Variants in NRG3 observed in about 807,000 individuals in gnomAD.
NRG3 encodes pro-neuregulin-3, membrane-bound isoform.
In NRG3, 31 loss-of-function variants were observed where a neutral mutation model predicts 66.9. The ratio of observed to expected loss-of-function variants is 0.46; its 90% CI spans 0.35 to 0.63. The LOEUF is 0.63. Ranked by LOEUF, NRG3 falls within the 20% of genes least tolerant of loss-of-function variation. The probability of loss-of-function intolerance (pLI) is 0.00; values close to 1 mark genes in which losing one functional copy is unlikely to be tolerated. For synonymous variants in NRG3, 393 were observed against 359.4 expected (o/e 1.09, Z -1.06); for missense variants, 910 against 878.9 (o/e 1.04, Z -0.45).
At chr10:82,159,424 G>A (rs1051015415) in intron 1 of NRG3, among the ~76,000 whole-genome samples, 2 of 151,678 alleles carry the variant, frequency 1.3e-5, no homozygotes, top group African/African-American at 2.4e-5. Flanking sequence ...TGTCTGTCAT[G>A]TTCCTTTTCT....
intron 1 of NRG3, among the ~76,000 whole-genome samples, chr10:82,226,900 G>A (rs911115779): frequency 6.6e-6 from 1 of 152,142 alleles, no homozygotes; most frequent in African/African-American, 2.4e-5. Context: ...TTATTATTGG[G>A]AGAACTTTGA....
At chr10:82,704,079 GA>G (rs928846445) in intron 2 of NRG3, among the ~76,000 whole-genome samples, 12 of 150,560 alleles carry the variant, frequency 8.0e-5, no homozygotes, top group Admixed American at 3.3e-4. Flanking sequence ...ATGTGGTATA[GA>G]AAAAAAAAGA....
intron 1 of NRG3, among the ~76,000 whole-genome samples, chr10:82,031,790 A>G (rs931894011): frequency 1.3e-5 from 2 of 152,064 alleles, no homozygotes. Flanking sequence ...CTTGGCCCCC[A>G]TAAGTCCATT....
At chr10:82,252,289 T>C (rs2077520712) in intron 1 of NRG3, among the ~76,000 whole-genome samples, 1 of 152,212 alleles carries the variant, frequency 6.6e-6, no homozygotes, top group Non-Finnish European at 1.5e-5. Flanking sequence ...GTGATAAAAA[T>C]AGCCAGTGCT....
At chr10:82,932,833 A>G (rs1847703262) in intron 4 of NRG3, among the ~76,000 whole-genome samples, 1 of 152,174 alleles carries the variant, frequency 6.6e-6, no homozygotes, top group African/African-American at 2.4e-5. Context: ...AGGGTGATCC[A>G]GGATGAAGAC....
At chr10:82,923,534 A>G (rs1483497445) in intron 4 of NRG3, among the ~76,000 whole-genome samples, 1 of 152,236 alleles carries the variant, frequency 6.6e-6, no homozygotes, top group Admixed American at 6.5e-5. Context: ...CTGACTTGAT[A>G]CCTGACAACA....
intron 1 of NRG3, among the ~76,000 whole-genome samples, chr10:82,236,573 T>C (rs778788385): frequency 2.0e-5 from 3 of 152,188 alleles, no homozygotes; most frequent in Non-Finnish European, 4.4e-5. Context: ...CTCGGAAATA[T>C]ATCTTTACTC....
At chr10:82,528,623 T>C (rs142591223) in intron 2 of NRG3, among the ~76,000 whole-genome samples, 45 of 152,228 alleles carry the variant, frequency 3.0e-4, no homozygotes, top group African/African-American at 1.0e-3. Context: ...GGAGACAGAG[T>C]TTGCTATTAA....
At chr10:82,881,698 A>G (rs1279478532) in intron 4 of NRG3, among the ~76,000 whole-genome samples, 1 of 152,166 alleles carries the variant, frequency 6.6e-6, no homozygotes, top group African/African-American at 2.4e-5. Flanking sequence ...CTGCCTAGCT[A>G]TATATCTATG....
At chr10:81,961,925 G>A (rs775843656) in intron 1 of NRG3, among the ~76,000 whole-genome samples, 45 of 152,318 alleles carry the variant, frequency 3.0e-4, no homozygotes, top group Non-Finnish European at 5.9e-4. Flanking sequence ...TGGATAGAAA[G>A]GCAGCATGCT....
At chr10:82,109,535 T>TTGTGTGTGTG (rs747213240) in intron 1 of NRG3, among the ~76,000 whole-genome samples, 30 of 138,858 alleles carry the variant, frequency 2.2e-4, no homozygotes, top group East Asian at 1.1e-3. Flanking sequence ...AAGAATAAGA[T>TTGTGTGTGTG]TGTGTGTGTG....
At chr10:82,582,625 A>G (rs2046420324) in intron 2 of NRG3, among the ~76,000 whole-genome samples, 1 of 151,908 alleles carries the variant, frequency 6.6e-6, no homozygotes, top group South Asian at 2.1e-4. Context: ...ACAAGGACCA[A>G]AAAAGAATGC....
chr10:81,956,927 T>TC (rs1480241132), intron 1 of NRG3, among the ~76,000 whole-genome samples: 6 of 152,126 alleles, frequency 3.9e-5, no homozygotes, highest in African/African-American at 1.2e-4. Flanking sequence ...CTCTTACTCT[T>TC]CCCTAAAACA....
intron 1 of NRG3, among the ~76,000 whole-genome samples, chr10:82,321,991 G>A (rs2081603353): frequency 6.6e-6 from 1 of 152,124 alleles, no homozygotes; most frequent in African/African-American, 2.4e-5. Context: ...ATGACATGTT[G>A]CCATAGTGGT....
At chr10:82,360,144 A>G (rs533045583) in intron 2 of NRG3, among the ~76,000 whole-genome samples, 15 of 152,158 alleles carry the variant, frequency 9.9e-5, no homozygotes, top group Non-Finnish European at 1.9e-4. Context: ...TTTGCACCCT[A>G]TTCCTATGCT....
intron 2 of NRG3, among the ~76,000 whole-genome samples, chr10:82,520,576 C>T (rs965619570): frequency 6.6e-6 from 1 of 152,146 alleles, no homozygotes; most frequent in African/African-American, 2.4e-5. Context: ...TGGTTCTGAG[C>T]TCAGCCTCAG....
intron 1 of NRG3, among the ~76,000 whole-genome samples, chr10:82,283,270 A>G (rs1428205748): frequency 6.6e-6 from 1 of 152,170 alleles, no homozygotes; most frequent in African/African-American, 2.4e-5. Context: ...AATTTGTTTC[A>G]CAATGCCATG....
At chr10:82,363,096 C>T (rs903703913) in intron 2 of NRG3, among the ~76,000 whole-genome samples, 6 of 151,654 alleles carry the variant, frequency 4.0e-5, no homozygotes, top group Non-Finnish European at 8.8e-5. Flanking sequence ...GTGAGGAAAC[C>T]GAATAACAAA....
At chr10:82,833,220 C>T (rs2062614439) in intron 3 of NRG3, among the ~76,000 whole-genome samples, 1 of 152,162 alleles carries the variant, frequency 6.6e-6, no homozygotes, top group Non-Finnish European at 1.5e-5. Flanking sequence ...AGGCATTTCA[C>T]CCCATTCATG....
Sources: allele counts gnomAD v4.1 joint callset (sites outside exome capture counted in the v4.1 genomes callset), GRCh38; gene constraint gnomAD v4.1.1; transcripts MANE v1.5; gene names NCBI Gene and HGNC (gene_info 2026-07-23, HGNC 2026-07-21).